ARSG: variants seen among roughly 807,000 people sequenced by gnomAD.
The protein encoded by ARSG is arylsulfatase G, also known as ASG.
ARSG carries 37 observed loss-of-function variants against 50.5 expected under a neutral mutation model. That is an observed-to-expected ratio of 0.73 (90% CI 0.56 to 0.96). The LOEUF is 0.96. ARSG is among the 50% of genes least tolerant of loss of function. The pLI, the probability that ARSG is intolerant of heterozygous loss-of-function variation, is 0.00. For synonymous variants in ARSG, 225 were observed against 254.6 expected, an observed-to-expected ratio of 0.88 and a Z score of 1.11; for missense variants, 629 against 675.3, an observed-to-expected ratio of 0.93 and a Z score of 0.76.
Position 68,307,410 on chromosome 17 carries a change from A to G in ARSG, c.-84A>G. On this transcript the variant is annotated 5_prime_UTR_variant, in exon 2 of 12. Coordinates refer to ENST00000621439, the MANE Select transcript of ARSG (RefSeq NM_001267727.2). ...GCTCCCCAGAGACTTCCTGCTTTGA[A>G]AGTGAGCAGAAAGGAAGCTCTCAGA... 1 of 1,091,522 alleles carries G rather than the reference A, an allele frequency of 9.2e-7. No individual in the cohort carries two copies. The highest frequency in any genetic ancestry group is 1.6e-5 in the African/African-American group (1 of 63,700). 67.6% of individuals were successfully genotyped at this position (1,091,522 alleles called of 1,614,324 possible). A position where few individuals can be genotyped will look rare whatever the true frequency, so the allele number is the denominator to read the frequency against.
intron 10 of ARSG, 25 bp downstream of exon 10, chr17:68,395,218 C>CA: frequency 6.2e-7 from 1 of 1,612,402 alleles, no homozygotes; most frequent in Admixed American, 1.7e-5. Context: ...TACTTGCCCA[C>CA]ATGTAGGCTC....
upstream of ARSG, among the ~76,000 whole-genome samples, chr17:68,287,526 T>C (rs1375041335): frequency 6.6e-6 from 1 of 152,194 alleles, no homozygotes; most frequent in Non-Finnish European, 1.5e-5. Flanking sequence ...CCTTAGTTTT[T>C]TTAAAAAACT....
chr17:68,342,654 C>G (rs1181041832), intron 2 of ARSG, among the ~76,000 whole-genome samples: 2 of 152,152 alleles, frequency 1.3e-5, no homozygotes, highest in Admixed American at 6.6e-5. Flanking sequence ...GCCACCGCAC[C>G]TGGTCCTAAC....
intron 2 of ARSG, among the ~76,000 whole-genome samples, chr17:68,329,293 G>A (rs2077628581): frequency 1.3e-5 from 2 of 152,188 alleles, no homozygotes; most frequent in South Asian, 2.1e-4. Context: ...GGGGAGGAGG[G>A]GTTTGATGCC....
At chr17:68,325,928 A>G (rs1261770958) in intron 2 of ARSG, among the ~76,000 whole-genome samples, 1 of 152,190 alleles carries the variant, frequency 6.6e-6, no homozygotes, top group Non-Finnish European at 1.5e-5. Context: ...ATTAGCATGC[A>G]GTGGAGTCCC....
rs72320984 is a variant in ARSG at position 68,387,079 on chromosome 17, TCACACACACACACACACA to T, written c.1091+1930_1091+1947del. ...TCGCACCAACCTAATATATAGTGTATCACACACACACACACACACACACACACACACACACACACATAC... is the reference window on the plus strand; with the variant it reads ...TCGCACCAACCTAATATATAGTGTATCACACACACACACACACACACATAC... On this transcript the variant is annotated intron_variant, in intron 9 of 11. Transcript: ENST00000621439. Among the ~76,000 whole-genome samples the T allele has an allele frequency of 1.7e-4, 25 of 146,418 alleles. 1 individual carries two copies. The South Asian group carries it at 3.2e-3, about 19-fold the overall frequency.
Position 68,356,769 on chromosome 17 carries a change from T to C in ARSG, c.669T>C (p.Tyr223=). The C allele has an allele frequency of 6.2e-7, 1 of 1,614,180 alleles. No homozygotes were observed. The highest frequency in any genetic ancestry group is 8.5e-7 in the Non-Finnish European group (1 of 1,180,034). Residue 223 remains tyrosine (Y), a synonymous_variant, in exon 6 of 12, where the codon TAT becomes TAC. Transcript: ENST00000621439. The part of the protein sequence containing the change: ...PVNLSSLAQK[Y]AEKATQFIQR... ...ACTTGAGCAGCCTTGCCCAGAAGTA[T>C]GCTGAGAAAGCAACCCAGTTCATCC...
chr17:68,278,539 A>G (rs1231396975), intron 1 of ARSG, among the ~76,000 whole-genome samples: 4 of 151,834 alleles, frequency 2.6e-5, no homozygotes, highest in South Asian at 2.1e-4. Flanking sequence ...AACCTCTGCA[A>G]TTCTCCTACG....
downstream of ARSG, among the ~76,000 whole-genome samples, chr17:68,426,427 C>G (rs2083200935): frequency 2.0e-5 from 3 of 152,086 alleles, no homozygotes; most frequent in South Asian, 6.2e-4. Context: ...GAGGTAGGGT[C>G]TCAGTATGTT....
downstream of ARSG, chr17:68,421,667 GC>G (rs1270346129): frequency 5.3e-6 from 8 of 1,511,156 alleles, no homozygotes; most frequent in Admixed American, 6.7e-5. Context: ...CGGGATTCCT[GC>G]CCCCCTTTCT....
chr17:68,310,778 G>T (rs1301768245), intron 2 of ARSG, among the ~76,000 whole-genome samples: 1 of 152,150 alleles, frequency 6.6e-6, no homozygotes, highest in Non-Finnish European at 1.5e-5. Context: ...TCTGCATCTG[G>T]TCTCACCCAC....
chr17:68,377,701 A>G (rs536308038), intron 8 of ARSG, among the ~76,000 whole-genome samples: 1 of 152,316 alleles, frequency 6.6e-6, no homozygotes, highest in East Asian at 1.9e-4. Flanking sequence ...ATTGGCAAAC[A>G]CCCTGAAAAA....
chr17:68,309,075 C>T (rs368556955), intron 2 of ARSG, among the ~76,000 whole-genome samples: 34 of 152,348 alleles, frequency 2.2e-4, no homozygotes, highest in Middle Eastern at 3.4e-3. Context: ...AGCTAAGGCT[C>T]GGTGAGAAAT....
intron 8 of ARSG, among the ~76,000 whole-genome samples, chr17:68,382,306 GTT>G: frequency 6.6e-6 from 1 of 152,122 alleles, no homozygotes; most frequent in Admixed American, 6.6e-5. Context: ...CTGAGCTTTG[GTT>G]TCCCCATCTG....
intron 1 of ARSG, among the ~76,000 whole-genome samples, chr17:68,281,410 T>C (rs551764823): frequency 2.0e-5 from 3 of 151,486 alleles, no homozygotes; most frequent in Non-Finnish European, 4.4e-5. Flanking sequence ...CTACTAAAAA[T>C]ACAAAAATTA....
At chr17:68,427,169 G>A (rs1366098420), downstream of ARSG, 1 of 1,614,136 alleles carries the variant, frequency 6.2e-7, no homozygotes, top group Admixed American at 1.7e-5. Context: ...CACTTGGTCT[G>A]GCTACGGTCG....
At chr17:68,413,199 G>C (rs1254025377) in intron 11 of ARSG, among the ~76,000 whole-genome samples, 1 of 152,148 alleles carries the variant, frequency 6.6e-6, no homozygotes, top group Non-Finnish European at 1.5e-5. Flanking sequence ...GAGGCGCTCT[G>C]CTTTTTAGAG....
intron 1 of ARSG, among the ~76,000 whole-genome samples, chr17:68,295,439 T>C (rs1555757780): frequency 6.6e-6 from 1 of 151,966 alleles, no homozygotes. Flanking sequence ...AGTTGACTGC[T>C]CCTGTAGTTT....
At chr17:68,259,509 A>G (rs530508571) in intron 1 of ARSG, 1 of 152,334 alleles carries the variant, frequency 6.6e-6, no homozygotes, top group East Asian at 1.9e-4. Flanking sequence ...GTAGATTCTG[A>G]TATCTAGAGT....
Sources: allele counts gnomAD v4.1 joint callset (sites outside exome capture counted in the v4.1 genomes callset), GRCh38; gene constraint gnomAD v4.1.1; transcripts MANE v1.5; gene names NCBI Gene and HGNC (gene_info 2026-07-23, HGNC 2026-07-21).